LRP1B: variants seen among roughly 807,000 people sequenced by gnomAD.
LRP1B encodes the protein LDL receptor related protein 1B.
LRP1B carries 217 observed loss-of-function variants against 556.6 expected under a neutral mutation model. The observed-to-expected ratio is 0.39, with a 90% CI of 0.35 to 0.44. The LOEUF is 0.44. Ranked by LOEUF, LRP1B falls within the 20% of genes least tolerant of loss-of-function variation. LRP1B has a pLI of 1.00. For synonymous variants in LRP1B, 2,047 were observed against 1,865.8 expected, an observed-to-expected ratio of 1.10 and a Z score of -2.50; for missense variants, 5,053 against 5,620.8, an observed-to-expected ratio of 0.90 and a Z score of 3.23.
At chr2:140,407,762 C>A (rs540720278) in intron 66 of LRP1B, among the ~76,000 whole-genome samples, 1 of 151,916 alleles carries the variant, frequency 6.6e-6, no homozygotes, top group Non-Finnish European at 1.5e-5. Flanking sequence ...CTTTGGAAAA[C>A]GGTATGGAAA....
chr2:141,666,521 C>T (rs1690442694), intron 2 of LRP1B, among the ~76,000 whole-genome samples: 1 of 152,184 alleles, frequency 6.6e-6, no homozygotes, highest in Non-Finnish European at 1.5e-5. Context: ...GATTTCTCCA[C>T]ATTACCTCTT....
At chr2:140,694,503 T>C (rs1205324380) in intron 41 of LRP1B, among the ~76,000 whole-genome samples, 1 of 152,176 alleles carries the variant, frequency 6.6e-6, no homozygotes, top group Non-Finnish European at 1.5e-5. Context: ...TTTCCCTTTT[T>C]CATGATCTTC....
intron 3 of LRP1B, among the ~76,000 whole-genome samples, chr2:141,294,491 G>A (rs1686104300): frequency 1.3e-5 from 2 of 152,042 alleles, no homozygotes; most frequent in African/African-American, 2.4e-5. Flanking sequence ...GGGAGGCCAT[G>A]GTGGGAGGAT....
intron 49 of LRP1B, among the ~76,000 whole-genome samples, chr2:140,518,615 G>A (rs1004558531): frequency 6.6e-6 from 1 of 152,182 alleles, no homozygotes; most frequent in South Asian, 2.1e-4. Context: ...TCGTAGAGCA[G>A]TGGTTTGTAG....
chr2:141,536,276 T>A (rs907601794), intron 2 of LRP1B, among the ~76,000 whole-genome samples: 1 of 152,120 alleles, frequency 6.6e-6, no homozygotes, highest in African/African-American at 2.4e-5. Flanking sequence ...TTTTATCTAA[T>A]GGTTAGAATT....
At chr2:140,435,131 C>T (rs1034972533) in intron 66 of LRP1B, among the ~76,000 whole-genome samples, 1 of 152,086 alleles carries the variant, frequency 6.6e-6, no homozygotes, top group African/African-American at 2.4e-5. Flanking sequence ...AAAGATATTT[C>T]AACAGAATCT....
intron 43 of LRP1B, among the ~76,000 whole-genome samples, chr2:140,585,535 T>A (rs1454001480): frequency 6.6e-6 from 1 of 152,146 alleles, no homozygotes; most frequent in Non-Finnish European, 1.5e-5. Flanking sequence ...AAATGGCTGA[T>A]CTTAGAGTTG....
chr2:141,182,034 A>G (rs1362994485), intron 7 of LRP1B, among the ~76,000 whole-genome samples: 1 of 151,972 alleles, frequency 6.6e-6, no homozygotes, highest in Non-Finnish European at 1.5e-5. Context: ...CCTGAAAGGA[A>G]CTTGAATTTG....
intron 50 of LRP1B, among the ~76,000 whole-genome samples, chr2:140,516,654 A>G (rs1437679883): frequency 1.3e-5 from 2 of 152,140 alleles, no homozygotes; most frequent in African/African-American, 4.8e-5. Context: ...GATGGAAGTA[A>G]TTATTCAACA....
intron 43 of LRP1B, among the ~76,000 whole-genome samples, chr2:140,591,512 T>C (rs749233346): frequency 6.6e-6 from 1 of 152,192 alleles, no homozygotes; most frequent in African/African-American, 2.4e-5. Context: ...CAATTACCCA[T>C]CTTATTGGCT....
chr2:141,037,000 C>G (rs886501066), intron 11 of LRP1B, among the ~76,000 whole-genome samples: 3 of 151,924 alleles, frequency 2.0e-5, no homozygotes, highest in Admixed American at 2.0e-4. Context: ...GACCTAAGAC[C>G]AAGACTGGCA....
intron 2 of LRP1B, among the ~76,000 whole-genome samples, chr2:141,759,133 T>C (rs1339231764): frequency 6.6e-6 from 1 of 152,080 alleles, no homozygotes; most frequent in Non-Finnish European, 1.5e-5. Flanking sequence ...CCCAGTAGAA[T>C]GAAAGAATCT....
intron 1 of LRP1B, among the ~76,000 whole-genome samples, chr2:142,055,795 G>C (rs561044842): frequency 6.6e-6 from 1 of 152,008 alleles, no homozygotes; most frequent in Non-Finnish European, 1.5e-5. Context: ...ATACTGCAAG[G>C]CTTTACTAAA....
chr2:140,735,426 A>T (rs1435765705), intron 35 of LRP1B, among the ~76,000 whole-genome samples: 2 of 152,138 alleles, frequency 1.3e-5, no homozygotes, highest in Non-Finnish European at 2.9e-5. Flanking sequence ...GAGGCTCATA[A>T]CTCCCATGGT....
intron 1 of LRP1B, among the ~76,000 whole-genome samples, chr2:142,121,476 C>T (rs935777665): frequency 1.9e-4 from 29 of 152,094 alleles, no homozygotes; most frequent in African/African-American, 7.0e-4. Context: ...GACAAAGTGA[C>T]CTGCTTTCTT....
chr2:141,753,932 CA>C (rs1694229751), intron 2 of LRP1B, among the ~76,000 whole-genome samples: 2 of 152,082 alleles, frequency 1.3e-5, no homozygotes, highest in African/African-American at 4.8e-5. Flanking sequence ...CAGGAGTGTA[CA>C]TGCACACAGT....
chr2:140,874,177 C>A (rs1036374847), intron 25 of LRP1B, among the ~76,000 whole-genome samples: 1 of 152,016 alleles, frequency 6.6e-6, no homozygotes, highest in Admixed American at 6.5e-5. Context: ...CTATAATGGT[C>A]TTTCTATAGA....
intron 3 of LRP1B, among the ~76,000 whole-genome samples, chr2:141,432,754 C>T (rs565117776): frequency 2.6e-5 from 4 of 151,826 alleles, no homozygotes; most frequent in African/African-American, 7.2e-5. Flanking sequence ...TAATGATGTC[C>T]CCTCCTTTAC....
At chr2:140,947,474 C>T (rs1353516662) in intron 20 of LRP1B, among the ~76,000 whole-genome samples, 1 of 152,160 alleles carries the variant, frequency 6.6e-6, no homozygotes, top group Non-Finnish European at 1.5e-5. Flanking sequence ...GCCAGAATCC[C>T]CTGCTCTTTC....
Sources: allele counts gnomAD v4.1 joint callset (sites outside exome capture counted in the v4.1 genomes callset), GRCh38; gene constraint gnomAD v4.1.1; transcripts MANE v1.5; gene names NCBI Gene and HGNC (gene_info 2026-07-23, HGNC 2026-07-21).